Variants in COL1A1 observed in about 807,000 individuals in gnomAD.
COL1A1 encodes collagen type I alpha 1 chain.
In COL1A1, 21 loss-of-function variants were observed where a neutral mutation model predicts 195.7. The observed-to-expected ratio is 0.11, with a 90% CI of 0.08 to 0.15. The LOEUF (loss-of-function observed/expected upper bound fraction) is 0.15, where lower values mean the gene tolerates loss of function less well. Among genes scored for constraint, COL1A1 ranks in the 10% least tolerant of loss-of-function variants. COL1A1 has a pLI of 1.00. For synonymous variants in COL1A1, 749 were observed against 747.3 expected (o/e 1.00, Z -0.04); for missense variants, 1,365 against 2,051.0 (o/e 0.67, Z 6.46).
At chr17:50,197,262 C>T in intron 9 of COL1A1, 29 bp from the exon 10 acceptor site, 2 of 1,611,002 alleles carry the variant, frequency 1.2e-6, no homozygotes, top group Non-Finnish European at 1.7e-6. Flanking sequence ...ACCATCATGC[C>T]TCTGCCTCCC....
chr17:50,197,615 G>A (rs1907706881), intron 9 of COL1A1, 117 bp downstream of exon 9: 2 of 835,698 alleles, frequency 2.4e-6, no homozygotes, highest in East Asian at 2.4e-5. Flanking sequence ...GTGCATCAGA[G>A]AGGACTTGCC....
At chr17:50,196,874 T>C (rs1907636693) in intron 11 of COL1A1, 136 bp downstream of exon 11, 2 of 1,145,938 alleles carry the variant, frequency 1.7e-6, no homozygotes, top group South Asian at 1.3e-5. Context: ...CTTTTGGATG[T>C]CCACTCTCTG....
chr17:50,187,822 C>T (rs557367393), intron 45 of COL1A1, 54 bp downstream of exon 45: 12 of 1,469,496 alleles, frequency 8.2e-6, no homozygotes, highest in Non-Finnish European at 1.0e-5. Context: ...GCGAAGCTCC[C>T]CCTCCTATCC....
rs776151666 is a variant in COL1A1 at position 50,189,989 on chromosome 17, C to A, written c.2559+12G>T. Reference sequence around the variant, plus strand: ...CACCAGCCTCGTGGGCACAGAGGGCCAAGCCACTCACAATGGGGCCAGGGG... The same window carrying A: ...CACCAGCCTCGTGGGCACAGAGGGCAAAGCCACTCACAATGGGGCCAGGGG... On this transcript the variant is annotated intron_variant, in intron 36 of 50. Coordinates refer to ENST00000225964, the MANE Select transcript of COL1A1 (RefSeq NM_000088.4). This position sits in a 1 kb window ranked among gnomAD's most constrained non-coding sequence, Gnocchi z 5.5. 3.1e-6 allele frequency: 5 copies of A among 1,612,048 alleles called. No homozygotes were observed. The East Asian group carries it at 1.1e-4, about 36-fold the overall frequency.
At position 50,189,332 on chromosome 17, in the gene COL1A1, G is replaced by T. The variant is rs537376166; in HGVS notation, c.2829+45C>A. On this transcript the variant is annotated intron_variant, in intron 39 of 50. Transcript: ENST00000225964. This position sits in a 1 kb window ranked among gnomAD's most constrained non-coding sequence, Gnocchi z 5.5. ...AGAGCAGCACAGGGACCCCTCCCCA[G>T]CTCTGCACACCTCCGGAGCTGCAGA... is the stretch of plus-strand genomic sequence containing the variant. 6.8e-6 allele frequency: 11 copies of T among 1,613,732 alleles called. No homozygotes were observed. Among genetic ancestry groups the T allele is most frequent in the Non-Finnish European group, 2.5e-6 (3 of 1,179,902 alleles).
At position 50,189,078 on chromosome 17, in the gene COL1A1, C is replaced by G. The variant is rs1906830886; in HGVS notation, c.2938-68G>C. 1.3e-6 allele frequency: 2 copies of G among 1,572,458 alleles called. No homozygotes were observed. The highest frequency in any genetic ancestry group is 1.4e-5 in the African/African-American group (1 of 74,006). ...GGACCCTTGAGTCCGCTGGAGTCATCTCTACCAAATCTGTTCTCCTTGGCT... is the reference window on the plus strand; with the variant it reads ...GGACCCTTGAGTCCGCTGGAGTCATGTCTACCAAATCTGTTCTCCTTGGCT... On this transcript the variant is annotated intron_variant, in intron 40 of 50. Transcript: ENST00000225964. The surrounding 1 kb of genome is among the most constrained non-coding windows in gnomAD (Gnocchi z 5.5).
At chr17:50,187,789 A>G in intron 45 of COL1A1, 87 bp downstream of exon 45, 3 of 1,276,090 alleles carry the variant, frequency 2.4e-6, no homozygotes, top group Non-Finnish European at 3.3e-6. Flanking sequence ...GGAAAGAATG[A>G]CTATCCAGAG....
chr17:50,193,914 C>T (rs768801354), intron 25 of COL1A1, 29 bp downstream of exon 25: 3 of 1,598,720 alleles, frequency 1.9e-6, no homozygotes, highest in South Asian at 1.1e-5. Context: ...TTGTCCCTGG[C>T]TCTTCATGGA....
At chr17:50,193,487 T>C (rs367886248) in intron 25 of COL1A1, 22 of 227,854 alleles carry the variant, frequency 9.7e-5, no homozygotes, top group African/African-American at 1.6e-4. Context: ...CTTTCTTCTT[T>C]TTTTTTTTTT....
chr17:50,200,367 G>A (rs1470437670), intron 1 of COL1A1, among the ~76,000 whole-genome samples: 1 of 152,152 alleles, frequency 6.6e-6, no homozygotes, highest in Non-Finnish European at 1.5e-5. Context: ...AGAGAAGGGA[G>A]GTCCAGCCCT....
rs1906778660 is a variant in COL1A1 at position 50,188,664 on chromosome 17, G to A, written c.3100-27C>T. On this transcript the variant is annotated intron_variant, in intron 42 of 50. Transcript: ENST00000225964. The surrounding 1 kb of genome is among the most constrained non-coding windows in gnomAD (Gnocchi z 5.6). The stretch of plus-strand genomic sequence containing the variant: ...TGGCGGGGAGAGCAGGGGAATATGG[G>A]TCAGCCCCGGGTGAAGGGCCAGGAT... 6.2e-7 allele frequency: 1 copy of A among 1,613,298 alleles called. No homozygotes were observed. Among genetic ancestry groups the A allele is most frequent in the Non-Finnish European group, 8.5e-7 (1 of 1,179,408 alleles).
Position 50,197,206 on chromosome 17 carries a change from C to T in COL1A1, c.724G>A (p.Gly242Ser). The T allele has an allele frequency of 1.9e-6, 3 of 1,613,348 alleles. No homozygotes were observed. The highest frequency in any genetic ancestry group is 1.7e-6 in the Non-Finnish European group (2 of 1,180,042). ...TGAGGCCCAGGAGGCCCACGCTCACCAGGACGACCAGGTTTTCCAGCTTCC... is the reference window on the plus strand; with the variant it reads ...TGAGGCCCAGGAGGCCCACGCTCACTAGGACGACCAGGTTTTCCAGCTTCC... ...DGEAGKPGRP[G>S]ERGPPGPQGA... Residue 242 changes from glycine to serine, a missense_variant, in exon 10 of 51, where the codon GGT (glycine) becomes AGT (serine). Physicochemically the swap from Gly to Ser is moderately conservative, Grantham distance 56. This residue lies in a region of COL1A1 where 226 missense variants were observed against 372.9 expected (regional missense o/e 0.61). Transcript: ENST00000225964.
Position 50,195,977 on chromosome 17 carries a change from C to A in COL1A1, c.1003-1G>T. 6.3e-7 allele frequency: 1 copy of A among 1,595,824 alleles called. No homozygotes were observed. Among genetic ancestry groups the A allele is most frequent in the East Asian group, 2.3e-5 (1 of 44,064 alleles). On this transcript the variant is annotated splice_acceptor_variant, in intron 15 of 50. Transcript: ENST00000225964. LOFTEE classifies it high-confidence loss of function. This position sits in a 1 kb window ranked among gnomAD's most constrained non-coding sequence, Gnocchi z 4.3. ...GAGGACCAGCGGGGCCGGTGGGACC[C>A]TGTGAATGAAATGGAGATGTCAGCG...
intron 46 of COL1A1, 122 bp from the exon 47 acceptor site, chr17:50,187,244 C>T: frequency 1.1e-6 from 1 of 928,284 alleles, no homozygotes; most frequent in Non-Finnish European, 1.7e-6. Flanking sequence ...CCAGCCTCAG[C>T]CTCTTTCCAT....
chr17:50,201,376 G>C (rs1238940818), intron 1 of COL1A1, 35 bp downstream of exon 1: 2 of 1,595,596 alleles, frequency 1.3e-6, no homozygotes, highest in African/African-American at 2.7e-5. Flanking sequence ...GCGCGATATA[G>C]AGTATCCTTG....
Position 50,199,031 on chromosome 17 carries a change from A to G in COL1A1, c.471+195T>C, listed in dbSNP as rs75456035. On this transcript the variant is annotated intron_variant, in intron 5 of 50. Coordinates refer to ENST00000225964, the MANE Select transcript of COL1A1 (RefSeq NM_000088.4). Reference sequence around the variant, plus strand: ...GCAACTTGCTCAAACAGTTCAGAAAAAAAAAGATACATATACATAAACAGA... The same window carrying G: ...GCAACTTGCTCAAACAGTTCAGAAAGAAAAAGATACATATACATAAACAGA... 3.3e-3 allele frequency among the ~76,000 whole-genome samples: 505 copies of G among 152,384 alleles called. 11 individuals carry two copies. In the East Asian group the frequency reaches 0.052, roughly 16 times the overall value.
At chr17:50,187,634 G>T (rs1963541004) in intron 45 of COL1A1, 97 bp from the exon 46 acceptor site, 3 of 1,315,920 alleles carry the variant, frequency 2.3e-6, no homozygotes, top group Non-Finnish European at 3.3e-6. Flanking sequence ...GGCAACCCAT[G>T]CCCCTTCATT....
intron 1 of COL1A1, chr17:50,200,179 A>C: frequency 1.7e-6 from 1 of 576,770 alleles, no homozygotes; most frequent in Non-Finnish European, 3.1e-6. Flanking sequence ...ATTTAAACAA[A>C]GCTTTAGTCC....
rs777730902 is a variant in COL1A1 at position 50,195,035 on chromosome 17, G to T, written c.1353+12C>A. On this transcript the variant is annotated intron_variant, in intron 20 of 50. Coordinates refer to ENST00000225964, the MANE Select transcript of COL1A1 (RefSeq NM_000088.4). This position sits in a 1 kb window ranked among gnomAD's most constrained non-coding sequence, Gnocchi z 4.3. ...TGGGCTGGGCTGCAAGAAGGATGGC[G>T]GGGAGACTTACAGGCTCTCCCTTAG... 3.7e-6 allele frequency: 6 copies of T among 1,612,854 alleles called. No individual in the cohort carries two copies. In the East Asian group the frequency reaches 1.3e-4, roughly 36 times the overall value.
Sources: gnomAD v4.1 joint callset for allele counts (sites outside exome capture counted in the v4.1 genomes callset) on GRCh38, gnomAD v4.1.1 for gene constraint, gnomAD v4.1.1 regional missense constraint, Gnocchi (gnomAD v3.1) non-coding constraint, MANE v1.5 for transcripts, NCBI Gene and HGNC (gene_info 2026-07-23, HGNC 2026-07-21) for gene names.